Variants in SYN3 observed in about 807,000 individuals in gnomAD.
SYN3 encodes synapsin-3.
SYN3 carries 35 observed loss-of-function variants against 65.8 expected under a neutral mutation model. The observed-to-expected ratio is 0.53, with a 90% CI of 0.41 to 0.70. The LOEUF (loss-of-function observed/expected upper bound fraction) is 0.70, where lower values mean the gene tolerates loss of function less well. Among genes scored for constraint, SYN3 ranks in the 30% least tolerant of loss-of-function variants. SYN3 has a pLI of 0.00. For missense variants in SYN3, 680 were observed against 749.0 expected, an observed-to-expected ratio of 0.91 and a Z score of 1.08; for synonymous variants, 270 against 292.9, an observed-to-expected ratio of 0.92 and a Z score of 0.80.
rs75944658 is a variant in SYN3 at position 32,619,390 on chromosome 22, C to T, written c.712-22654G>A. On this transcript the variant is annotated intron_variant, in intron 6 of 13. Coordinates refer to ENST00000358763, the MANE Select transcript of SYN3 (RefSeq NM_003490.4). ...CAAAATGTACATAGGAGTTCCACCC[C>T]TGTTCTGAAATACCAGGTTTTGAAT... Among the ~76,000 whole-genome samples, 1,337 of 152,298 alleles carry T rather than the reference C, an allele frequency of 8.8e-3. 8 individuals carry two copies. Among genetic ancestry groups the T allele is most frequent in the South Asian group, 0.022 (106 of 4,824 alleles).
Position 32,533,902 on chromosome 22 carries a change from G to A in SYN3, c.993-7C>T. 1 of 1,601,540 alleles carries A rather than the reference G, an allele frequency of 6.2e-7. No homozygotes were observed. The highest frequency in any genetic ancestry group is 8.6e-7 in the Non-Finnish European group (1 of 1,169,482). On this transcript the variant is annotated splice_polypyrimidine_tract_variant and splice_region_variant and intron_variant, in intron 9 of 13. Transcript: ENST00000358763. ...GTCCACCCACAGCCTGTACCTGCAGGGACAGATGGACAGACAGTGAAGTGG... is the reference window on the plus strand; with the variant it reads ...GTCCACCCACAGCCTGTACCTGCAGAGACAGATGGACAGACAGTGAAGTGG...
At chr22:32,521,400 CAA>C (rs985560361) in intron 12 of SYN3, among the ~76,000 whole-genome samples, 3 of 149,874 alleles carry the variant, frequency 2.0e-5, no homozygotes, top group Non-Finnish European at 4.4e-5. Context: ...TCTGTGCTAT[CAA>C]GAGATGCTGG....
rs133971 is a variant in SYN3, at chr22:33,028,643, ATGGTGGTGG to A, written c.-162-21828_-162-21820del. Among the ~76,000 whole-genome samples the A allele has an allele frequency of 8.5e-4, 79 of 93,134 alleles. 1 individual carries two copies. Among genetic ancestry groups the A allele is most frequent in the Middle Eastern group, 0.01 (2 of 196 alleles). 61.1% of individuals were successfully genotyped at this position (93,134 alleles called of 152,430 possible). On this transcript the variant is annotated intron_variant, in intron 1 of 13. Coordinates refer to ENST00000358763, the MANE Select transcript of SYN3 (RefSeq NM_003490.4). ...ACTAGGAAGTATAATAAGAACCATG[ATGGTGGTGG>A]TGGTGGTGGTGGTGGTGGTGGTGGT...
intron 3 of SYN3, among the ~76,000 whole-genome samples, chr22:32,940,616 T>C (rs943725007): frequency 6.6e-6 from 1 of 152,226 alleles, no homozygotes; most frequent in Admixed American, 6.5e-5. Context: ...TTTATTGAAA[T>C]GAGCACTCTT....
rs928463438 is a variant in SYN3 at position 32,510,916 on chromosome 22, C to T, written c.*2776G>A. On this transcript the variant is annotated 3_prime_UTR_variant, in exon 14 of 14. Transcript: ENST00000358763. Reference sequence around the variant, plus strand: ...CCTCTTGAAGCCGGTTATCAGAGAACTATGAACTCATAGCGAGGTGACAGG... The same window carrying T: ...CCTCTTGAAGCCGGTTATCAGAGAATTATGAACTCATAGCGAGGTGACAGG... Among the ~76,000 whole-genome samples the T allele has an allele frequency of 7.9e-5, 12 of 151,318 alleles. No individual in the cohort carries two copies. Among genetic ancestry groups the T allele is most frequent in the African/African-American group, 2.9e-4 (12 of 40,984 alleles).
chr22:32,939,923 C>A (rs1033313227), intron 3 of SYN3, among the ~76,000 whole-genome samples: 3 of 152,136 alleles, frequency 2.0e-5, no homozygotes, highest in African/African-American at 7.2e-5. Flanking sequence ...TTAGAAGATA[C>A]AGATGGAGAA....
intron 2 of SYN3, among the ~76,000 whole-genome samples, chr22:32,998,026 C>CAAA (rs133930): frequency 1.8e-5 from 2 of 108,120 alleles, no homozygotes; most frequent in Middle Eastern, 4.8e-3. Context: ...GACTCCATCT[C>CAAA]AAAAAAAAAA....
rs1426689758 is a variant in SYN3 at position 32,995,938 on chromosome 22, AC to A, written c.311+10413del. On this transcript the variant is annotated intron_variant, in intron 2 of 13. Coordinates refer to ENST00000358763, the MANE Select transcript of SYN3 (RefSeq NM_003490.4). Reference sequence around the variant, plus strand: ...AGTGCTGAGATTACAGGTGTGAGCCACCGCATCCGGCCTTTTTTTTTCCCCC... The same window carrying A: ...AGTGCTGAGATTACAGGTGTGAGCCACGCATCCGGCCTTTTTTTTTCCCCC... 2.6e-5 allele frequency among the ~76,000 whole-genome samples: 4 copies of A among 152,144 alleles called. No homozygotes were observed. The East Asian group carries it at 7.7e-4, about 29-fold the overall frequency.
intron 1 of SYN3, among the ~76,000 whole-genome samples, chr22:33,030,702 CAA>C (rs1483780896): frequency 6.6e-6 from 1 of 150,942 alleles, no homozygotes; most frequent in East Asian, 2.0e-4. Context: ...GAGATCAACA[CAA>C]AGAGACCCAC....
chr22:32,736,076 T>G (rs1409737301), intron 6 of SYN3, among the ~76,000 whole-genome samples: 1 of 152,224 alleles, frequency 6.6e-6, no homozygotes, highest in Non-Finnish European at 1.5e-5. Flanking sequence ...TGTTTTTGTT[T>G]CTTAATTTTA....
chr22:32,935,330 A>C (rs1481104969), intron 3 of SYN3, among the ~76,000 whole-genome samples: 2 of 151,814 alleles, frequency 1.3e-5, no homozygotes, highest in Non-Finnish European at 2.9e-5. Context: ...ACACAAAATA[A>C]CAAATTAGTT....
intron 3 of SYN3, among the ~76,000 whole-genome samples, chr22:32,978,044 T>C (rs2052259625): frequency 6.6e-6 from 1 of 152,180 alleles, no homozygotes; most frequent in African/African-American, 2.4e-5. Flanking sequence ...AGAAGGAGTC[T>C]TTGAGGAAAG....
chr22:32,870,443 ATAAT>A (rs1276092620), intron 4 of SYN3, among the ~76,000 whole-genome samples: 3 of 152,216 alleles, frequency 2.0e-5, no homozygotes, highest in East Asian at 3.8e-4. Context: ...ATGATATATC[ATAAT>A]TAAGTAAACC....
At chr22:32,998,342 T>G (rs1471025543) in intron 2 of SYN3, among the ~76,000 whole-genome samples, 6 of 152,174 alleles carry the variant, frequency 3.9e-5, no homozygotes, top group African/African-American at 1.4e-4. Flanking sequence ...CTCCACCAGA[T>G]GGATGGTAGC....
At chr22:32,706,654 C>T (rs865900206) in intron 6 of SYN3, among the ~76,000 whole-genome samples, 2 of 152,140 alleles carry the variant, frequency 1.3e-5, no homozygotes, top group Non-Finnish European at 2.9e-5. Context: ...AGATGGGGGA[C>T]CTGAGAAGGG....
intron 6 of SYN3, among the ~76,000 whole-genome samples, chr22:32,613,218 T>A (rs989745661): frequency 2.6e-5 from 4 of 151,984 alleles, no homozygotes; most frequent in Non-Finnish European, 4.4e-5. Context: ...ATTAATTTTT[T>A]AAATAAAGTA....
At chr22:33,030,484 G>C (rs543292560) in intron 1 of SYN3, among the ~76,000 whole-genome samples, 61 of 151,938 alleles carry the variant, frequency 4.0e-4, no homozygotes, top group Non-Finnish European at 6.5e-4. Flanking sequence ...GACAGATATA[G>C]AGAGACTGTG....
chr22:32,835,290 G>A (rs554089477), intron 6 of SYN3, among the ~76,000 whole-genome samples: 1 of 152,334 alleles, frequency 6.6e-6, no homozygotes, highest in African/African-American at 2.4e-5. Flanking sequence ...ACTGTGAGAT[G>A]TTGCGGTTAG....
chr22:32,663,307 C>CTCTTT (rs36044326), intron 6 of SYN3, among the ~76,000 whole-genome samples: 23 of 142,542 alleles, frequency 1.6e-4, no homozygotes, highest in East Asian at 6.1e-4. Flanking sequence ...CTTTTCTTCT[C>CTCTTT]TTTTTTTTTT....
Sources: gnomAD v4.1 joint callset for allele counts (sites outside exome capture counted in the v4.1 genomes callset) on GRCh38, gnomAD v4.1.1 for gene constraint, MANE v1.5 for transcripts, NCBI Gene and HGNC (gene_info 2026-07-23, HGNC 2026-07-21) for gene names.